The following ODR4 variants were observed in gnomAD, a reference collection of about 807,000 sequenced individuals.
ODR4 encodes protein odr-4 homolog.
Under a neutral mutation model 60.2 loss-of-function variants are expected in ODR4, and 47 were observed. The observed-to-expected ratio is 0.78, with a 90% CI of 0.62 to 1.00. The LOEUF is 1.00. Among genes scored for constraint, ODR4 ranks in the 50% least tolerant of loss-of-function variants. The pLI is 0.00. For missense variants in ODR4, 488 were observed against 530.8 expected (o/e 0.92, Z 0.79); for synonymous variants, 178 against 175.5 (o/e 1.01, Z -0.11).
intron 9 of ODR4, among the ~76,000 whole-genome samples, chr1:186,397,322 A>G (rs1386641002): frequency 2.0e-5 from 3 of 152,202 alleles, no homozygotes; most frequent in Non-Finnish European, 4.4e-5. Context: ...TTTGTTCTTC[A>G]GAATTGATTT....
intron 11 of ODR4, among the ~76,000 whole-genome samples, chr1:186,405,709 G>T (rs1337780020): frequency 6.6e-6 from 1 of 152,008 alleles, no homozygotes. Flanking sequence ...CTGCCACCAC[G>T]CCTGACTAAT....
chr1:186,425,687 TG>T (rs1661869381), downstream of ODR4, among the ~76,000 whole-genome samples: 1 of 152,240 alleles, frequency 6.6e-6, no homozygotes, highest in South Asian at 2.1e-4. Flanking sequence ...GAAGTCTTTT[TG>T]TCTAGCTAAG....
intron 8 of ODR4, among the ~76,000 whole-genome samples, chr1:186,392,971 C>T (rs1660525885): frequency 6.6e-6 from 1 of 152,208 alleles, no homozygotes; most frequent in Non-Finnish European, 1.5e-5. Flanking sequence ...TGCCACTGCA[C>T]TCCAGCCTTT....
At chr1:186,418,258 G>A (rs1317255074) in intron 13 of ODR4, among the ~76,000 whole-genome samples, 1 of 150,322 alleles carries the variant, frequency 6.7e-6, no homozygotes, top group African/African-American at 2.4e-5. Flanking sequence ...CTGTCTGTCT[G>A]TCTGGACTAC....
At chr1:186,409,112 A>G (rs1331797489) in intron 12 of ODR4, among the ~76,000 whole-genome samples, 2 of 152,030 alleles carry the variant, frequency 1.3e-5, no homozygotes, top group Non-Finnish European at 2.9e-5. Context: ...ATAAAAATAC[A>G]AAAATTAGCT....
At chr1:186,424,158 G>A (rs1281304710), downstream of ODR4, among the ~76,000 whole-genome samples, 2 of 152,110 alleles carry the variant, frequency 1.3e-5, no homozygotes, top group Non-Finnish European at 2.9e-5. Context: ...TTACTCAAAT[G>A]TCCGTTGACA....
intron 7 of ODR4, among the ~76,000 whole-genome samples, chr1:186,391,375 G>T: frequency 1.4e-5 from 2 of 141,338 alleles, no homozygotes; most frequent in African/African-American, 2.6e-5. Context: ...AGACTTATTT[G>T]ATGCTTTTTT....
In ODR4 at chr1:186,386,515, A is replaced by G. The variant is rs904646682; in HGVS notation, c.330+432A>G. 5.3e-5 allele frequency among the ~76,000 whole-genome samples: 8 copies of G among 152,280 alleles called. No individual in the cohort carries two copies. The East Asian group carries it at 5.8e-4, about 11-fold the overall frequency. On this transcript the variant is annotated intron_variant, in intron 4 of 13. Transcript: ENST00000287859. The stretch of plus-strand genomic sequence containing the variant: ...CATTGTAAAATATTGAAAAATTCAA[A>G]TGATTAATTATAATATTAAGAACTC...
chr1:186,393,571 A>G (rs1203718202), intron 8 of ODR4, among the ~76,000 whole-genome samples: 2 of 152,236 alleles, frequency 1.3e-5, no homozygotes, highest in African/African-American at 4.8e-5. Context: ...AATACTACAT[A>G]TTTAGATTTC....
intron 3 of ODR4, among the ~76,000 whole-genome samples, chr1:186,384,682 CCTTT>C (rs1328856153): frequency 6.6e-6 from 1 of 151,672 alleles, no homozygotes; most frequent in East Asian, 1.9e-4. Context: ...TACTTTTTCC[CCTTT>C]CTTGCTCTCA....
At chr1:186,416,855 CAAAAAAAA>C (rs71104859) in intron 12 of ODR4, among the ~76,000 whole-genome samples, 1 of 85,718 alleles carries the variant, frequency 1.2e-5, no homozygotes, top group Non-Finnish European at 2.2e-5. Context: ...GATTCTGTCT[CAAAAAAAA>C]AAAAAAAAAA....
chr1:186,417,800 C>T (rs1482597406), intron 13 of ODR4, 146 bp downstream of exon 13: 1 of 566,304 alleles, frequency 1.8e-6, no homozygotes, highest in Non-Finnish European at 3.2e-6. Flanking sequence ...AGTACCAGGC[C>T]CTAGAGATAG....
chr1:186,407,746 C>A (rs898696169), intron 12 of ODR4, among the ~76,000 whole-genome samples: 7 of 152,132 alleles, frequency 4.6e-5, no homozygotes, highest in African/African-American at 1.7e-4. Flanking sequence ...TATATTCTCA[C>A]CTACCTTAAG....
intron 12 of ODR4, 79 bp downstream of exon 12, chr1:186,406,347 A>C (rs1264710285): frequency 9.2e-7 from 1 of 1,087,182 alleles, no homozygotes; most frequent in Non-Finnish European, 1.3e-6. Flanking sequence ...TTTAAATATC[A>C]TGTCTTTAGA....
rs1166452162 is a variant in ODR4 at position 186,420,320 on chromosome 1, A to C, written c.*1244A>C. 1.3e-5 allele frequency: 2 copies of C among 152,224 alleles called. No homozygotes were observed. Among genetic ancestry groups the C allele is most frequent in the Admixed American group, 6.5e-5 (1 of 15,278 alleles). 9.4% of individuals were successfully genotyped at this position (152,224 alleles called of 1,614,324 possible). A position where few individuals can be genotyped will look rare whatever the true frequency, so the allele number is the denominator to read the frequency against. On this transcript the variant is annotated 3_prime_UTR_variant, in exon 14 of 14. Transcript: ENST00000287859. ...CTGCCCTAGAGAGGACAGTTAAAGA[A>C]GGTTCAGTGGTCCTCAGTTTGCAGT... is the stretch of plus-strand genomic sequence containing the variant.
downstream of ODR4, among the ~76,000 whole-genome samples, chr1:186,422,801 G>A (rs950313394): frequency 1.6e-4 from 24 of 152,048 alleles, no homozygotes; most frequent in Admixed American, 3.3e-4. Flanking sequence ...AAACAATAGC[G>A]AAAGCAATGT....
At chr1:186,414,756 G>A (rs1271775523) in intron 12 of ODR4, among the ~76,000 whole-genome samples, 11 of 152,050 alleles carry the variant, frequency 7.2e-5, no homozygotes, top group Non-Finnish European at 7.4e-5. Flanking sequence ...TCCTGACCTC[G>A]TGACCTGCCC....
chr1:186,399,909 AT>A (rs1235857797), intron 11 of ODR4, among the ~76,000 whole-genome samples: 1 of 151,556 alleles, frequency 6.6e-6, no homozygotes, highest in Non-Finnish European at 1.5e-5. Context: ...GTATTAAAAA[AT>A]TTTTTTAATC....
At chr1:186,390,566 T>C in intron 6 of ODR4, 145 bp from the exon 7 acceptor site, 1 of 778,120 alleles carries the variant, frequency 1.3e-6, no homozygotes, top group East Asian at 2.6e-5. Flanking sequence ...GTTCAACCTA[T>C]AGTCTTTTGA....
Sources: allele counts gnomAD v4.1 joint callset (sites outside exome capture counted in the v4.1 genomes callset), GRCh38; gene constraint gnomAD v4.1.1; transcripts MANE v1.5; gene names NCBI Gene and HGNC (gene_info 2026-07-23, HGNC 2026-07-21).